PTPRN2: variants seen among roughly 807,000 people sequenced by gnomAD.
The protein encoded by PTPRN2 is receptor-type tyrosine-protein phosphatase N2.
A neutral mutation model predicts 118.8 loss-of-function variants in PTPRN2; 74 were observed. The observed-to-expected ratio is 0.62, with a 90% CI of 0.52 to 0.76. PTPRN2 has a LOEUF of 0.76. PTPRN2 is among the 30% of genes least tolerant of loss of function. The pLI is 0.00. For missense variants in PTPRN2, 1,481 were observed against 1,394.4 expected, an observed-to-expected ratio of 1.06 and a Z score of -0.99; for synonymous variants, 641 against 608.0, an observed-to-expected ratio of 1.05 and a Z score of -0.80.
chr7:158,157,560 T>A (rs987978979), intron 6 of PTPRN2, among the ~76,000 whole-genome samples: 13 of 152,166 alleles, frequency 8.5e-5, no homozygotes, highest in Non-Finnish European at 5.9e-5. Context: ...GGAGAAGACA[T>A]GAGCTGGGTG....
chr7:158,185,654 T>C (rs975672445), intron 5 of PTPRN2, among the ~76,000 whole-genome samples: 4 of 152,218 alleles, frequency 2.6e-5, no homozygotes, highest in African/African-American at 9.7e-5. Context: ...AATATTAACA[T>C]GACCACACCA....
At chr7:157,658,650 CT>C (rs1795724911) in intron 13 of PTPRN2, among the ~76,000 whole-genome samples, 1 of 152,242 alleles carries the variant, frequency 6.6e-6, no homozygotes, top group African/African-American at 2.4e-5. Context: ...GGGTGCCCCC[CT>C]GACGTCTGAC....
intron 3 of PTPRN2, among the ~76,000 whole-genome samples, chr7:158,270,908 C>T (rs192196780): frequency 3.8e-5 from 3 of 79,868 alleles, no homozygotes; most frequent in East Asian, 5.0e-4. Flanking sequence ...CTGGACCACC[C>T]CCCCCACCTG....
intron 1 of PTPRN2, among the ~76,000 whole-genome samples, chr7:158,547,013 C>A (rs1826329429): frequency 6.6e-6 from 1 of 152,182 alleles, no homozygotes. Context: ...CAGAAAGAAG[C>A]TCAGACCCAG....
At chr7:157,961,376 C>A (rs189452047) in intron 11 of PTPRN2, among the ~76,000 whole-genome samples, 87 of 151,740 alleles carry the variant, frequency 5.7e-4, no homozygotes, top group African/African-American at 1.9e-3. Context: ...TACTGAAAAT[C>A]AAAAAAATTA....
intron 13 of PTPRN2, among the ~76,000 whole-genome samples, chr7:157,679,239 G>GA (rs1293615684): frequency 1.3e-5 from 2 of 152,082 alleles, no homozygotes; most frequent in Non-Finnish European, 2.9e-5. Flanking sequence ...CTATTTAGAA[G>GA]AAAAAACAAC....
intron 13 of PTPRN2, among the ~76,000 whole-genome samples, chr7:157,680,832 A>G (rs1452905921): frequency 6.6e-6 from 1 of 152,210 alleles, no homozygotes; most frequent in African/African-American, 2.4e-5. Flanking sequence ...ATTAATCTGG[A>G]TTGAAGAAAA....
rs1796892083 is a variant in PTPRN2, at chr7:157,893,007, G to A, written c.1788+5666C>T. On this transcript the variant is annotated intron_variant, in intron 12 of 22. Transcript: ENST00000389418. The surrounding 1 kb of genome is among the most constrained non-coding windows in gnomAD (Gnocchi z 4.0). ...AGGGCCCTCTGGGCACGATGTCCGTGGGGTCAAGAGCTCGAGAAGAACCAT... is the reference window on the plus strand; with the variant it reads ...AGGGCCCTCTGGGCACGATGTCCGTAGGGTCAAGAGCTCGAGAAGAACCAT... 6.6e-6 allele frequency among the ~76,000 whole-genome samples: 1 copy of A among 152,226 alleles called. No individual in the cohort carries two copies. The highest frequency in any genetic ancestry group is 2.4e-5 in the African/African-American group (1 of 41,462).
At chr7:157,865,991 C>T (rs1471933069) in intron 12 of PTPRN2, 2 of 152,424 alleles carry the variant, frequency 1.3e-5, no homozygotes, top group African/African-American at 4.8e-5. Flanking sequence ...GGCCTCCTTC[C>T]CCGCTGCCGC....
chr7:158,111,933 G>A (rs1816312115), intron 9 of PTPRN2, among the ~76,000 whole-genome samples: 1 of 152,186 alleles, frequency 6.6e-6, no homozygotes. Flanking sequence ...AATATCACTG[G>A]TGTCCGTATA....
At chr7:157,854,307 C>T (rs1809516988) in intron 12 of PTPRN2, among the ~76,000 whole-genome samples, 1 of 152,214 alleles carries the variant, frequency 6.6e-6, no homozygotes, top group Non-Finnish European at 1.5e-5. Flanking sequence ...CTCTGCCCCA[C>T]CCTCAGCTCT....
intron 1 of PTPRN2, among the ~76,000 whole-genome samples, chr7:158,537,932 T>G (rs1448176358): frequency 6.6e-6 from 1 of 152,266 alleles, no homozygotes; most frequent in Non-Finnish European, 1.5e-5. Flanking sequence ...AATTTGTTGT[T>G]TCAAATTCTA....
intron 2 of PTPRN2, among the ~76,000 whole-genome samples, chr7:158,406,531 T>TTCCTTATCTCA (rs1813454877): frequency 6.6e-6 from 1 of 152,240 alleles, no homozygotes; most frequent in South Asian, 2.1e-4. Context: ...AAGGAAGAGC[T>TTCCTTATCTCA]GGTCATGCCT....
At chr7:158,499,701 G>T (rs1316864893) in intron 1 of PTPRN2, among the ~76,000 whole-genome samples, 2 of 152,088 alleles carry the variant, frequency 1.3e-5, no homozygotes, top group Admixed American at 1.3e-4. Flanking sequence ...AACCTGGGAG[G>T]TGGAGGTTTC....
chr7:158,306,217 A>C (rs1801272640), intron 3 of PTPRN2, among the ~76,000 whole-genome samples: 1 of 152,246 alleles, frequency 6.6e-6, no homozygotes. Context: ...GGCTAACCAG[A>C]AAGCTTGAAG....
intron 11 of PTPRN2, among the ~76,000 whole-genome samples, chr7:158,004,353 G>A (rs1053836573): frequency 2.0e-5 from 3 of 152,152 alleles, no homozygotes; most frequent in Admixed American, 2.0e-4. Context: ...GATGCTTCCT[G>A]TGTGTCCACA....
chr7:158,463,633 C>CAAT (rs57114918), intron 2 of PTPRN2, among the ~76,000 whole-genome samples: 2 of 151,210 alleles, frequency 1.3e-5, no homozygotes, highest in Non-Finnish European at 3.0e-5. Flanking sequence ...ATCATCAACA[C>CAAT]CATCATCATC....
chr7:157,769,889 C>T (rs1041182885), intron 12 of PTPRN2, among the ~76,000 whole-genome samples: 16 of 152,230 alleles, frequency 1.1e-4, no homozygotes, highest in African/African-American at 3.9e-4. Context: ...ACACTTTATT[C>T]TTCCCAAGAC....
chr7:157,840,475 C>T (rs897458516), intron 12 of PTPRN2, among the ~76,000 whole-genome samples: 81 of 146,748 alleles, frequency 5.5e-4, no homozygotes, highest in Non-Finnish European at 2.4e-4. Context: ...TGTGTGGCCA[C>T]GTGTGACTGT....
Sources: gnomAD v4.1 joint callset for allele counts (sites outside exome capture counted in the v4.1 genomes callset) on GRCh38, gnomAD v4.1.1 for gene constraint, Gnocchi (gnomAD v3.1) non-coding constraint, MANE v1.5 for transcripts, NCBI Gene and HGNC (gene_info 2026-07-23, HGNC 2026-07-21) for gene names.